The following SNTG2 variants were observed in gnomAD, a reference collection of about 807,000 sequenced individuals.
The protein encoded by SNTG2 is syntrophin gamma 2.
In SNTG2, 74 loss-of-function variants were observed where a neutral mutation model predicts 70.9. The observed-to-expected ratio is 1.04, with a 90% CI of 0.86 to 1.27. The LOEUF (loss-of-function observed/expected upper bound fraction) is 1.27, where lower values mean the gene tolerates loss of function less well. Among genes scored for constraint, SNTG2 ranks in the 50% most tolerant of loss-of-function variants. SNTG2 has a pLI of 0.00. For synonymous variants in SNTG2, 278 were observed against 273.8 expected (o/e 1.02, Z -0.15); for missense variants, 717 against 690.7 (o/e 1.04, Z -0.43).
At chr2:1,115,271 C>G (rs535726653) in intron 4 of SNTG2, among the ~76,000 whole-genome samples, 3 of 151,664 alleles carry the variant, frequency 2.0e-5, no homozygotes, top group East Asian at 3.9e-4. Context: ...TTAACCCTTA[C>G]AGTCCTTTGA....
chr2:1,296,857 T>C (rs1680240878), intron 14 of SNTG2, among the ~76,000 whole-genome samples: 2 of 152,222 alleles, frequency 1.3e-5, no homozygotes, highest in South Asian at 4.1e-4. Context: ...GGGCTGACAA[T>C]AAATTGTATT....
intron 1 of SNTG2, among the ~76,000 whole-genome samples, chr2:993,399 C>T (rs1454197408): frequency 1.3e-5 from 2 of 152,000 alleles, no homozygotes; most frequent in Admixed American, 1.3e-4. Flanking sequence ...TTTTGTTTAT[C>T]CATTAATCAG....
intron 9 of SNTG2, among the ~76,000 whole-genome samples, chr2:1,215,546 T>C (rs1572747271): frequency 2.9e-5 from 3 of 103,096 alleles, no homozygotes; most frequent in South Asian, 3.7e-4. Flanking sequence ...TAATTCTTTT[T>C]TTTCTTTTTT....
intron 1 of SNTG2, among the ~76,000 whole-genome samples, chr2:1,024,038 T>C (rs1660341946): frequency 1.3e-5 from 2 of 152,170 alleles, no homozygotes; most frequent in African/African-American, 4.8e-5. Flanking sequence ...TGATATTTAT[T>C]TGTGATTCTG....
chr2:1,257,214 G>T (rs1482768119), intron 12 of SNTG2, among the ~76,000 whole-genome samples: 2 of 152,102 alleles, frequency 1.3e-5, no homozygotes, highest in African/African-American at 4.8e-5. Context: ...CAATAGAAAT[G>T]GTTCCATCCG....
chr2:1,073,367 C>T lies in SNTG2; in HGVS notation c.73-10151C>T, dbSNP rs558052421. Among the ~76,000 whole-genome samples, 383 of 152,336 alleles carry T rather than the reference C, an allele frequency of 2.5e-3. 1 individual carries two copies. Among genetic ancestry groups the T allele is most frequent in the African/African-American group, 8.9e-3 (369 of 41,574 alleles). On this transcript the variant is annotated intron_variant, in intron 1 of 16. Transcript: ENST00000308624. Reference sequence around the variant, plus strand: ...ATCTTGATCCGTCAGCCTACAACAACGAGGCAAGGTTCTCCACCAGCAAAA... The same window carrying T: ...ATCTTGATCCGTCAGCCTACAACAATGAGGCAAGGTTCTCCACCAGCAAAA...
intron 4 of SNTG2, among the ~76,000 whole-genome samples, chr2:1,113,987 G>A (rs1666727456): frequency 6.6e-6 from 1 of 151,424 alleles, no homozygotes; most frequent in African/African-American, 2.4e-5. Flanking sequence ...GGAGGGTGGT[G>A]TGTACTAAGT....
intron 1 of SNTG2, among the ~76,000 whole-genome samples, chr2:991,796 C>T (rs1175413010): frequency 1.3e-5 from 2 of 152,142 alleles, no homozygotes; most frequent in Non-Finnish European, 2.9e-5. Flanking sequence ...GTGGTGACAG[C>T]AAATTCATTC....
chr2:1,255,884 AAAT>A (rs1558602755), intron 12 of SNTG2, among the ~76,000 whole-genome samples: 6 of 90,428 alleles, frequency 6.6e-5, no homozygotes, highest in African/African-American at 2.4e-4. Flanking sequence ...ATATATATAT[AAAT>A]ATATATAAAT....
At chr2:1,236,165 T>G (rs539637073) in intron 9 of SNTG2, among the ~76,000 whole-genome samples, 2 of 152,354 alleles carry the variant, frequency 1.3e-5, no homozygotes, top group East Asian at 3.9e-4. Context: ...CATTTTTAGT[T>G]AGCACTTACT....
intron 16 of SNTG2, among the ~76,000 whole-genome samples, chr2:1,350,037 A>T (rs1660495234): frequency 6.6e-6 from 1 of 152,212 alleles, no homozygotes. Context: ...TTTTTAAATT[A>T]AAATTTTATA....
chr2:1,340,005 G>A (rs530739162), intron 16 of SNTG2, among the ~76,000 whole-genome samples: 24 of 152,328 alleles, frequency 1.6e-4, no homozygotes, highest in East Asian at 3.9e-4. Context: ...GGCTGCTTCC[G>A]GGTGCTCCCA....
intron 14 of SNTG2, among the ~76,000 whole-genome samples, chr2:1,282,705 T>TC (rs1167854278): frequency 1.2e-5 from 1 of 82,856 alleles, no homozygotes; most frequent in Non-Finnish European, 2.3e-5. Flanking sequence ...AAGGGCTGCC[T>TC]CCCCCGCACT....
At chr2:1,157,524 C>T (rs1280197504) in intron 6 of SNTG2, among the ~76,000 whole-genome samples, 1 of 152,222 alleles carries the variant, frequency 6.6e-6, no homozygotes, top group Admixed American at 6.5e-5. Context: ...GCACGTCCCT[C>T]ACATCCATAA....
intron 1 of SNTG2, among the ~76,000 whole-genome samples, chr2:981,549 GCACA>G (rs1217955254): frequency 6.6e-6 from 1 of 152,006 alleles, no homozygotes; most frequent in Non-Finnish European, 1.5e-5. Context: ...GCACACACAT[GCACA>G]CACACATGCC....
intron 1 of SNTG2, among the ~76,000 whole-genome samples, chr2:1,004,489 C>T (rs1659504407): frequency 6.6e-6 from 1 of 152,126 alleles, no homozygotes; most frequent in African/African-American, 2.4e-5. Context: ...CTTGAAGAAC[C>T]CATTAAAACT....
chr2:1,155,941 A>T (rs1364660938), intron 6 of SNTG2, among the ~76,000 whole-genome samples: 1 of 152,166 alleles, frequency 6.6e-6, no homozygotes, highest in African/African-American at 2.4e-5. Context: ...AGAGCTCAGG[A>T]AGCAGAGCAG....
chr2:1,317,491 C>G (rs374672464), intron 16 of SNTG2, among the ~76,000 whole-genome samples: 15 of 107,514 alleles, frequency 1.4e-4, no homozygotes, highest in African/African-American at 4.4e-4. Flanking sequence ...CATTTAGCAT[C>G]AGGTCAGCAT....
chr2:1,283,564 T>C (rs12992841), intron 14 of SNTG2, among the ~76,000 whole-genome samples: 59,561 of 151,830 alleles, frequency 0.39, 11,762 homozygotes, highest in Middle Eastern at 0.51. Context: ...ACCGACTGTG[T>C]CCAGGACACC....
Sources: gnomAD v4.1 joint callset for allele counts (sites outside exome capture counted in the v4.1 genomes callset) on GRCh38, gnomAD v4.1.1 for gene constraint, MANE v1.5 for transcripts, NCBI Gene and HGNC (gene_info 2026-07-23, HGNC 2026-07-21) for gene names.